LINGO2: variants seen among roughly 807,000 people sequenced by gnomAD.
LINGO2 encodes leucine rich repeat and Ig domain containing 2.
In LINGO2, 14 loss-of-function variants were observed where a neutral mutation model predicts 30.6. That is an observed-to-expected ratio of 0.46 (90% CI 0.30 to 0.72). LINGO2 has a LOEUF of 0.72. LINGO2 is among the 30% of genes least tolerant of loss of function. LINGO2 has a pLI of 0.07. For missense variants in LINGO2, 729 were observed against 751.7 expected, an observed-to-expected ratio of 0.97 and a Z score of 0.35; for synonymous variants, 317 against 288.5, an observed-to-expected ratio of 1.10 and a Z score of -1.00.
chr9:28,994,433 G>A, the LINGO2 span, among the ~76,000 whole-genome samples: 2 of 151,572 alleles, frequency 1.3e-5, no homozygotes, highest in Admixed American at 6.6e-5. Flanking sequence ...CGTGAAAATG[G>A]CCATACTGCC....
the LINGO2 span, among the ~76,000 whole-genome samples, chr9:29,096,322 G>A: frequency 3.6e-5 from 5 of 139,022 alleles, 1 homozygote; most frequent in Non-Finnish European, 6.3e-5. Flanking sequence ...GTCTTACTCT[G>A]TTGCCCAGGC....
intron 3 of LINGO2, among the ~76,000 whole-genome samples, chr9:28,359,359 G>A (rs1198384530): frequency 6.6e-6 from 1 of 151,928 alleles, no homozygotes. Flanking sequence ...ATAATTTCTG[G>A]ATCAAATTAA....
At chr9:28,627,983 G>A (rs1587983469) in intron 1 of LINGO2, among the ~76,000 whole-genome samples, 3 of 152,000 alleles carry the variant, frequency 2.0e-5, no homozygotes, top group Admixed American at 2.0e-4. Flanking sequence ...GCTTACTTGT[G>A]TGGTCAAAAT....
chr9:28,245,401 G>T (rs1474164488), intron 4 of LINGO2, among the ~76,000 whole-genome samples: 1 of 152,154 alleles, frequency 6.6e-6, no homozygotes, highest in Non-Finnish European at 1.5e-5. Flanking sequence ...ACAAGGTAAG[G>T]ATGTCCTCTC....
At chr9:28,247,046 A>G (rs1265698194) in intron 4 of LINGO2, among the ~76,000 whole-genome samples, 2 of 152,230 alleles carry the variant, frequency 1.3e-5, no homozygotes, top group Admixed American at 1.3e-4. Context: ...CAAAACCACA[A>G]TGGAATACCA....
At chr9:28,647,858 T>A (rs1827908001) in intron 1 of LINGO2, among the ~76,000 whole-genome samples, 1 of 151,516 alleles carries the variant, frequency 6.6e-6, no homozygotes. Flanking sequence ...TTATTGACAA[T>A]AATTCTGTAT....
chr9:28,902,729 G>T, the LINGO2 span, among the ~76,000 whole-genome samples: 1 of 151,864 alleles, frequency 6.6e-6, no homozygotes, highest in Admixed American at 6.6e-5. Flanking sequence ...ATAACAGAAA[G>T]AATCTTGGAA....
chr9:28,625,499 T>C (rs544885426), intron 1 of LINGO2, among the ~76,000 whole-genome samples: 4 of 152,290 alleles, frequency 2.6e-5, no homozygotes, highest in South Asian at 4.1e-4. Flanking sequence ...TGTGTGTACA[T>C]AGTTCTTAAA....
At chr9:28,479,607 C>T (rs1402577710) in intron 1 of LINGO2, among the ~76,000 whole-genome samples, 2 of 151,652 alleles carry the variant, frequency 1.3e-5, no homozygotes, top group East Asian at 3.9e-4. Flanking sequence ...TAATGGCAGA[C>T]CCATGTAATA....
In LINGO2 at chr9:28,597,209, C is replaced by G. The variant is rs1825227643; in HGVS notation, c.-365+72991G>C. On this transcript the variant is annotated intron_variant, in intron 1 of 5. Coordinates refer to ENST00000379992, the Ensembl canonical transcript of LINGO2. ...TTCTAAGCATGGGGTAAGGCATCTA[C>G]TAGCTTTGGTCCACACAGCTTAATA... 2.0e-5 allele frequency among the ~76,000 whole-genome samples: 3 copies of G among 152,142 alleles called. No individual in the cohort carries two copies. The South Asian group carries it at 6.2e-4, about 32-fold the overall frequency.
At chr9:29,188,972 C>T in the LINGO2 span, among the ~76,000 whole-genome samples, 1 of 146,110 alleles carries the variant, frequency 6.8e-6, no homozygotes, top group Non-Finnish European at 1.5e-5. Flanking sequence ...GACCCCCCCA[C>T]CTCCCTGCCG....
chr9:28,406,724 T>C (rs1468717456), intron 2 of LINGO2, among the ~76,000 whole-genome samples: 1 of 152,190 alleles, frequency 6.6e-6, no homozygotes, highest in Non-Finnish European at 1.5e-5. Flanking sequence ...AAATTGTTCT[T>C]ATTATTATTT....
At chr9:28,166,783 A>T (rs1828439612) in intron 4 of LINGO2, among the ~76,000 whole-genome samples, 1 of 152,044 alleles carries the variant, frequency 6.6e-6, no homozygotes, top group African/African-American at 2.4e-5. Context: ...CTCGGCAAAA[A>T]ACAAAAAACA....
intron 2 of LINGO2, among the ~76,000 whole-genome samples, chr9:28,428,759 G>A (rs1240041533): frequency 1.3e-5 from 2 of 152,080 alleles, no homozygotes; most frequent in Non-Finnish European, 2.9e-5. Context: ...ATTTGAAACT[G>A]CCTCTGTCAG....
intron 2 of LINGO2, among the ~76,000 whole-genome samples, chr9:28,436,747 G>A (rs781553603): frequency 1.3e-5 from 2 of 152,136 alleles, no homozygotes; most frequent in Non-Finnish European, 2.9e-5. Flanking sequence ...ATAAGCCACC[G>A]CGCCCGGCCA....
At chr9:29,031,385 C>T in the LINGO2 span, among the ~76,000 whole-genome samples, 6 of 151,974 alleles carry the variant, frequency 3.9e-5, no homozygotes, top group Non-Finnish European at 7.4e-5. Context: ...AGGGTTCAAG[C>T]GATTCTTCAG....
At chr9:28,853,817 C>T in the LINGO2 span, among the ~76,000 whole-genome samples, 1 of 151,848 alleles carries the variant, frequency 6.6e-6, no homozygotes, top group African/African-American at 2.4e-5. Flanking sequence ...CCACCTGGTC[C>T]TGCCCTTGAC....
chr9:28,010,365 C>A (rs1340826107), intron 5 of LINGO2, among the ~76,000 whole-genome samples: 2 of 152,150 alleles, frequency 1.3e-5, no homozygotes, highest in Admixed American at 6.5e-5. Context: ...TAGTTTGTAA[C>A]CTAGACACCT....
intron 4 of LINGO2, among the ~76,000 whole-genome samples, chr9:28,101,780 T>G (rs1159394887): frequency 6.6e-6 from 1 of 152,142 alleles, no homozygotes; most frequent in African/African-American, 2.4e-5. Flanking sequence ...AGAAGCCAAG[T>G]GCGGATTACA....
Sources: allele counts gnomAD v4.1 joint callset (sites outside exome capture counted in the v4.1 genomes callset), GRCh38; gene constraint gnomAD v4.1.1; transcripts MANE v1.5; gene names NCBI Gene and HGNC (gene_info 2026-07-23, HGNC 2026-07-21).